PCDH8: variants seen among roughly 807,000 people sequenced by gnomAD.
The protein encoded by PCDH8 is protocadherin-8.
Under a neutral mutation model 58.2 loss-of-function variants are expected in PCDH8, and 36 were observed. The ratio of observed to expected loss-of-function variants is 0.62; its 90% CI spans 0.47 to 0.82. The LOEUF (loss-of-function observed/expected upper bound fraction) is 0.82, where lower values mean the gene tolerates loss of function less well. PCDH8 is among the 40% of genes least tolerant of loss of function. The probability of loss-of-function intolerance (pLI) is 0.00; values close to 1 mark genes in which losing one functional copy is unlikely to be tolerated. For synonymous variants in PCDH8, 775 were observed against 728.9 expected (o/e 1.06, Z -1.02); for missense variants, 1,493 against 1,567.8 (o/e 0.95, Z 0.81).
chr13:52,845,766 G>A (rs762205040), intron 1 of PCDH8, 40 bp downstream of exon 1: 5 of 1,496,348 alleles, frequency 3.3e-6, no homozygotes, highest in South Asian at 2.6e-5. Context: ...GCCTGTCCGC[G>A]GAGCTCGGAG....
chr13:52,844,977 A>G, intron 2 of PCDH8, 44 bp from the exon 3 acceptor site: 2 of 1,508,362 alleles, frequency 1.3e-6, no homozygotes, highest in Non-Finnish European at 1.8e-6. Context: ...ATTATTCCTG[A>G]GATTATACAT....
At position 52,847,779 on chromosome 13, in the gene PCDH8, C is replaced by T. The variant is rs1965767014; in HGVS notation, c.658G>A (p.Gly220Ser). The part of the protein sequence containing the change: ...AYSLELVAQD[G>S]GRPPRSATAA... ...GTGGCGGAGCGCGGCGGGCGGCCGC[C>T]GTCCTGGGCCACCAGCTCCAGGCTG... The change falls in exon 1 of 3, where the codon GGC becomes AGC. Residue 220 changes from glycine to serine, a missense_variant. Physicochemically the swap from Gly to Ser is moderately conservative, Grantham distance 56 (BLOSUM62 0). Around this residue, in one of 3 missense-constraint regions of PCDH8, gnomAD observed 1,307 missense variants for 1,362.7 expected, o/e 0.96. Coordinates refer to ENST00000377942, the MANE Select transcript of PCDH8 (RefSeq NM_002590.4). 2 of 1,457,482 alleles carry T rather than the reference C, an allele frequency of 1.4e-6. No individual in the cohort carries two copies. Among genetic ancestry groups the T allele is most frequent in the East Asian group, 2.6e-5 (1 of 37,830 alleles). The allele number at this position is 1,457,482 out of a possible 1,614,324, so 90.3% of individuals were successfully genotyped here. A position where few individuals can be genotyped will look rare whatever the true frequency, so the allele number is the denominator to read the frequency against.
Position 52,846,655 on chromosome 13 carries a change from T to A in PCDH8, c.1782A>T (p.Leu594=). 1.9e-6 allele frequency: 3 copies of A among 1,603,156 alleles called. No homozygotes were observed. Among genetic ancestry groups the A allele is most frequent in the Non-Finnish European group, 2.5e-6 (3 of 1,177,782 alleles). ...TCTGGTCCAGCACGCGCACTTGCACTAGGGCGCTGCTGGAAAGCTGAGGGG... is the reference window on the plus strand; with the variant it reads ...TCTGGTCCAGCACGCGCACTTGCACAAGGGCGCTGCTGGAAAGCTGAGGGG... ...GGSPQLSSSA[L]VQVRVLDQND... The change falls in exon 1 of 3, where the codon CTA becomes CTT. Residue 594 remains leucine (L), a synonymous_variant. Coordinates refer to ENST00000377942, the MANE Select transcript of PCDH8 (RefSeq NM_002590.4).
At position 52,846,123 on chromosome 13, in the gene PCDH8, T is replaced by C. The variant is rs368417139; in HGVS notation, c.2314A>G (p.Thr772Ala). 7.6e-6 allele frequency: 12 copies of C among 1,580,726 alleles called. No homozygotes were observed. The highest frequency in any genetic ancestry group is 1.0e-5 in the Non-Finnish European group (12 of 1,170,774). Residue 772 changes from threonine to alanine, a missense_variant, in exon 1 of 3, where the codon ACC (threonine) becomes GCC (alanine). By Grantham distance (58) the Thr-to-Ala change is moderately conservative. This residue lies in a region of PCDH8 where 1,307 missense variants were observed against 1,362.7 expected (regional missense o/e 0.96). Coordinates refer to ENST00000377942, the MANE Select transcript of PCDH8 (RefSeq NM_002590.4). ...TCCTTCTTGCGGCGGTTGCAGGTGGTGGCGATGGCGATGATGGCGGCCAGC... is the reference window on the plus strand; with the variant it reads ...TCCTTCTTGCGGCGGTTGCAGGTGGCGGCGATGGCGATGATGGCGGCCAGC... ...LLLAAIIAIA[T>A]TCNRRKKEVR... is the part of the protein sequence containing the mutation.
Position 52,844,581 on chromosome 13 carries a change from C to T in PCDH8, c.3192G>A (p.Lys1064=). Reference sequence around the variant, plus strand: ...GGGATTACACATTTTCATTGGCTCCCTTCTTCGGGGACAGGTACCTGCCAG... The same window carrying T: ...GGGATTACACATTTTCATTGGCTCCTTTCTTCGGGGACAGGTACCTGCCAG... The part of the protein sequence containing the change: ...SPPGRYLSPK[K]GANENV The change falls in exon 3 of 3, where the codon AAG becomes AAA. Residue 1064 remains lysine, a synonymous_variant. Coordinates refer to ENST00000377942, the MANE Select transcript of PCDH8 (RefSeq NM_002590.4). 1 of 1,596,734 alleles carries T rather than the reference C, an allele frequency of 6.3e-7. No individual in the cohort carries two copies. Among genetic ancestry groups the T allele is most frequent in the Non-Finnish European group, 8.5e-7 (1 of 1,170,508 alleles).
chr13:52,842,916 C>T lies in PCDH8; in HGVS notation c.*1644G>A, dbSNP rs1965684195. On this transcript the variant is annotated 3_prime_UTR_variant, in exon 3 of 3. Transcript: ENST00000377942. ...TCATTACTTTGTTTTATTTTTTGCA[C>T]TGAATAACCTAGGTTTGAATCTCAC... The T allele has an allele frequency of 6.7e-6, 1 of 149,752 alleles. No individual in the cohort carries two copies. The highest frequency in any genetic ancestry group is 1.5e-5 in the Non-Finnish European group (1 of 67,632). The allele number at this position is 149,752 out of a possible 1,614,324, so 9.3% of individuals were successfully genotyped here. A position where few individuals can be genotyped will look rare whatever the true frequency, so the allele number is the denominator to read the frequency against.
rs367908389 is a variant in PCDH8 at position 52,844,932 on chromosome 13, T to G, written c.2841A>C (p.Gly947=). 4.6e-6 allele frequency: 7 copies of G among 1,515,108 alleles called. No individual in the cohort carries two copies. The South Asian group carries it at 9.3e-5, about 20-fold the overall frequency. 93.9% of individuals were successfully genotyped at this position (1,515,108 alleles called of 1,614,324 possible). The change falls in exon 3 of 3, where the codon GGA becomes GGC. Residue 947 remains glycine (G), a splice_region_variant and synonymous_variant. Coordinates refer to ENST00000377942, the MANE Select transcript of PCDH8 (RefSeq NM_002590.4). ...KKDLINHMQS[G]LWACTAECKI... ...TACACTCAGCGGTGCACGCCCACAG[T>G]CCTAATACGAAAGGGAAAAGGAAAC...
chr13:52,845,757 C>A, intron 1 of PCDH8, 49 bp downstream of exon 1: 2 of 1,504,562 alleles, frequency 1.3e-6, no homozygotes, highest in Non-Finnish European at 1.8e-6. Flanking sequence ...CTTCCCCCAG[C>A]CTGTCCGCGG....
chr13:52,847,899 G>A lies in PCDH8; in HGVS notation c.538C>T (p.Pro180Ser). Residue 180 changes from proline to serine, a missense_variant, in exon 1 of 3, where the codon CCC (proline) becomes TCC (serine). By Grantham distance (74) the Pro-to-Ser change is moderately conservative (BLOSUM62 -1). Around this residue, in one of 3 missense-constraint regions of PCDH8, gnomAD observed 1,307 missense variants for 1,362.7 expected, o/e 0.96. Coordinates refer to ENST00000377942, the MANE Select transcript of PCDH8 (RefSeq NM_002590.4). ...QTVRLAEPHS[P>S]FRVELQTRAD... ...CGCGTCTGCAGCTCCACGCGAAAGG[G>A]GCTGTGCGGCTCGGCCAGGCGCACG... 6.3e-7 allele frequency: 1 copy of A among 1,576,736 alleles called. No homozygotes were observed. Among genetic ancestry groups the A allele is most frequent in the Non-Finnish European group, 8.6e-7 (1 of 1,165,244 alleles).
chr13:52,847,164 C>T lies in PCDH8; in HGVS notation c.1273G>A (p.Gly425Arg), dbSNP rs762027431. ...STSDRDSGANGQVRCALYGHE... is the reference protein window; with the variant it reads ...STSDRDSGANRQVRCALYGHE... Reference sequence around the variant, plus strand: ...CCATAGAGGGCGCAGCGCACTTGCCCGTTGGCGCCCGAGTCCCTGTCCGAG... The same window carrying T: ...CCATAGAGGGCGCAGCGCACTTGCCTGTTGGCGCCCGAGTCCCTGTCCGAG... Residue 425 changes from glycine (G) to arginine (R), a missense_variant, in exon 1 of 3, where the codon GGG becomes AGG. By Grantham distance (125) the Gly-to-Arg change is moderately radical (BLOSUM62 -2). This residue lies in a region of PCDH8 where 1,307 missense variants were observed against 1,362.7 expected (regional missense o/e 0.96). Coordinates refer to ENST00000377942, the MANE Select transcript of PCDH8 (RefSeq NM_002590.4). The T allele has an allele frequency of 5.3e-6, 8 of 1,497,446 alleles. No individual in the cohort carries two copies. Among genetic ancestry groups the T allele is most frequent in the Non-Finnish European group, 7.1e-6 (8 of 1,131,538 alleles). The allele number at this position is 1,497,446 out of a possible 1,614,324, so 92.8% of individuals were successfully genotyped here. A position where few individuals can be genotyped will look rare whatever the true frequency, so the allele number is the denominator to read the frequency against.
At position 52,843,357 on chromosome 13, in the gene PCDH8, T is replaced by A. The variant is rs1489251508; in HGVS notation, c.*1203A>T. On this transcript the variant is annotated 3_prime_UTR_variant, in exon 3 of 3. Coordinates refer to ENST00000377942, the MANE Select transcript of PCDH8 (RefSeq NM_002590.4). ...ATCGATCTTGTTTCACATAGCTCCCTGTGTTTTTTTCTAGAACATTTTAAA... is the reference window on the plus strand; with the variant it reads ...ATCGATCTTGTTTCACATAGCTCCCAGTGTTTTTTTCTAGAACATTTTAAA... 5 of 152,216 alleles carry A rather than the reference T, an allele frequency of 3.3e-5. No homozygotes were observed. The highest frequency in any genetic ancestry group is 7.3e-5 in the Non-Finnish European group (5 of 68,038). The allele number at this position is 152,216 out of a possible 1,614,324, so 9.4% of individuals were successfully genotyped here.
In PCDH8 at chr13:52,844,944, A is replaced by C; in HGVS notation, c.2840-11T>G. 1 of 1,511,184 alleles carries C rather than the reference A, an allele frequency of 6.6e-7. No homozygotes were observed. 93.6% of individuals were successfully genotyped at this position (1,511,184 alleles called of 1,614,324 possible). A position where few individuals can be genotyped will look rare whatever the true frequency, so the allele number is the denominator to read the frequency against. On this transcript the variant is annotated splice_polypyrimidine_tract_variant and intron_variant, in intron 2 of 2. Transcript: ENST00000377942. Reference sequence around the variant, plus strand: ...TGCACGCCCACAGTCCTAATACGAAAGGGAAAAGGAAACAGCATGACGATT... The same window carrying C: ...TGCACGCCCACAGTCCTAATACGAACGGGAAAAGGAAACAGCATGACGATT...
Position 52,844,869 on chromosome 13 carries a change from G to A in PCDH8, c.2904C>T (p.Ser968=). The A allele has an allele frequency of 6.3e-7, 1 of 1,591,722 alleles. No individual in the cohort carries two copies. Among genetic ancestry groups the A allele is most frequent in the Non-Finnish European group, 8.6e-7 (1 of 1,167,520 alleles). Residue 968 remains serine, a synonymous_variant, in exon 3 of 3, where the codon TCC becomes TCT. Coordinates refer to ENST00000377942, the MANE Select transcript of PCDH8 (RefSeq NM_002590.4). ...ATGGATGTGCGTTGGGCCCGCTGCAGGATGGGCTCCAGCAGCGGTCAGAGT... is the reference window on the plus strand; with the variant it reads ...ATGGATGTGCGTTGGGCCCGCTGCAAGATGGGCTCCAGCAGCGGTCAGAGT... ...LGHSDRCWSP[S]CSGPNAHPSP...
At position 52,844,687 on chromosome 13, in the gene PCDH8, G is replaced by A; in HGVS notation, c.3086C>T (p.Thr1029Ile). Residue 1029 changes from threonine to isoleucine, a missense_variant, in exon 3 of 3, where the codon ACA becomes ATA. This residue lies in a region of PCDH8 where 182 missense variants were observed against 178.9 expected (regional missense o/e 1.02). Transcript: ENST00000377942. ...EKVLHRDYDRTVTLLSPPRPG... is the reference protein window; with the variant it reads ...EKVLHRDYDRIVTLLSPPRPG... ...ACGGGGAGGGGAGAGCAGAGTGACTGTCCTGTCATAGTCTCTGTGCAGTAC... is the reference window on the plus strand; with the variant it reads ...ACGGGGAGGGGAGAGCAGAGTGACTATCCTGTCATAGTCTCTGTGCAGTAC... 1 of 1,614,044 alleles carries A rather than the reference G, an allele frequency of 6.2e-7. No individual in the cohort carries two copies. Among genetic ancestry groups the A allele is most frequent in the Non-Finnish European group, 8.5e-7 (1 of 1,180,038 alleles).
In PCDH8 at chr13:52,844,695, A is replaced by G. The variant is rs769112709; in HGVS notation, c.3078T>C (p.Tyr1026=). The G allele has an allele frequency of 1.3e-5, 21 of 1,614,046 alleles. No individual in the cohort carries two copies. The African/African-American group carries it at 2.3e-4, about 17-fold the overall frequency. ...SVYEKVLHRD[Y]DRTVTLLSPP... ...GGGAGAGCAGAGTGACTGTCCTGTC[A>G]TAGTCTCTGTGCAGTACTTTCTCAT... The change falls in exon 3 of 3, where the codon TAT becomes TAC. Residue 1026 remains tyrosine (Y), a synonymous_variant. Transcript: ENST00000377942.
rs920930314 is a variant in PCDH8 at position 52,844,456 on chromosome 13, G to T, written c.*104C>A. The T allele has an allele frequency of 1.0e-6, 1 of 969,122 alleles. No individual in the cohort carries two copies. The allele number at this position is 969,122 out of a possible 1,614,324, so 60.0% of individuals were successfully genotyped here. A position where few individuals can be genotyped will look rare whatever the true frequency, so the allele number is the denominator to read the frequency against. On this transcript the variant is annotated 3_prime_UTR_variant, in exon 3 of 3. Coordinates refer to ENST00000377942, the MANE Select transcript of PCDH8 (RefSeq NM_002590.4). Reference sequence around the variant, plus strand: ...GGAAATAGCTTCCAACAACTTCATTGTAAGGCACATCTTGCATATTTATAT... The same window carrying T: ...GGAAATAGCTTCCAACAACTTCATTTTAAGGCACATCTTGCATATTTATAT...
Position 52,847,536 on chromosome 13 carries a change from G to T in PCDH8, c.901C>A (p.Pro301Thr). The change falls in exon 1 of 3, where the codon CCG becomes ACG. Residue 301 changes from proline (P) to threonine (T), a missense_variant. By Grantham distance (38) the Pro-to-Thr change is conservative. Coordinates refer to ENST00000377942, the MANE Select transcript of PCDH8 (RefSeq NM_002590.4). ...GCCAGGGTGAGGCGGCCTGATCGCG[G>T]GTCAAGCCGAAAGAGGCGGCGCGCC... The part of the protein sequence containing the change: ...PEARRLFRLD[P>T]RSGRLTLAGP... The T allele has an allele frequency of 6.3e-7, 1 of 1,579,546 alleles. No individual in the cohort carries two copies.
Position 52,848,606 on chromosome 13 carries a change from C to G in PCDH8, c.-170G>C. The G allele has an allele frequency of 7.7e-7, 1 of 1,293,258 alleles. No homozygotes were observed. The highest frequency in any genetic ancestry group is 1.0e-6 in the Non-Finnish European group (1 of 979,474). 80.1% of individuals were successfully genotyped at this position (1,293,258 alleles called of 1,614,324 possible). ...GGGCTCTGAGGACGCGCGGACCCGCCCTCACTCTGCGCCTCTCCGTCTCTT... is the reference window on the plus strand; with the variant it reads ...GGGCTCTGAGGACGCGCGGACCCGCGCTCACTCTGCGCCTCTCCGTCTCTT... On this transcript the variant is annotated 5_prime_UTR_variant, in exon 1 of 3. Coordinates refer to ENST00000377942, the MANE Select transcript of PCDH8 (RefSeq NM_002590.4).
rs1158043072 is a variant in PCDH8 at position 52,843,915 on chromosome 13, T to C, written c.*645A>G. 2 of 152,438 alleles carry C rather than the reference T, an allele frequency of 1.3e-5. No homozygotes were observed. The highest frequency in any genetic ancestry group is 2.9e-5 in the Non-Finnish European group (2 of 68,044). The allele number at this position is 152,438 out of a possible 1,614,324, so 9.4% of individuals were successfully genotyped here. ...CACTTGAAAGAAGGTTTCATTCTGA[T>C]ACTCAAATTATTTGTGAATGTCTGA... On this transcript the variant is annotated 3_prime_UTR_variant, in exon 3 of 3. Transcript: ENST00000377942.
Sources: allele counts gnomAD v4.1 joint callset, GRCh38; gene constraint gnomAD v4.1.1; regional missense constraint gnomAD v4.1.1; transcripts MANE v1.5; gene names NCBI Gene and HGNC (gene_info 2026-07-23, HGNC 2026-07-21).